TMEM255A: variants seen among roughly 807,000 people sequenced by gnomAD.
TMEM255A encodes the protein family with sequence similarity 70, member A.
In TMEM255A, 14 loss-of-function variants were observed where a neutral mutation model predicts 23.5. The observed-to-expected ratio is 0.60, with a 90% CI of 0.39 to 0.93. The LOEUF is 0.93. Among genes scored for constraint, TMEM255A ranks in the 40% least tolerant of loss-of-function variants. The pLI is 0.00. For synonymous variants in TMEM255A, 104 were observed against 100.3 expected (o/e 1.04, Z -0.22); for missense variants, 233 against 261.7 (o/e 0.89, Z 0.76).
intron 2 of TMEM255A, among the ~76,000 whole-genome samples, chrX:120,300,512 C>CACGTA (rs2058026368): frequency 9.3e-6 from 1 of 108,057 alleles, no homozygotes; most frequent in Non-Finnish European, 1.9e-5. Flanking sequence ...CTTAGCCTCC[C>CACGTA]ACGTAACTGG....
At chrX:120,294,923 T>C (rs1285552205) in intron 2 of TMEM255A, among the ~76,000 whole-genome samples, 5 of 112,011 alleles carry the variant, frequency 4.5e-5, no homozygotes, top group African/African-American at 1.6e-4. Context: ...CTGCAATTTA[T>C]GTTAGCACTT....
chrX:120,291,420 C>T, intron 3 of TMEM255A, 80 bp from the exon 4 acceptor site: 1 of 828,614 alleles, frequency 1.2e-6, no homozygotes, highest in Non-Finnish European at 1.8e-6. Context: ...CCCCAAGAGA[C>T]TTCCAGCCAA....
chrX:120,261,536 A>G (rs782070267), intron 8 of TMEM255A, among the ~76,000 whole-genome samples: 1 of 111,773 alleles, frequency 8.9e-6, no homozygotes, highest in Non-Finnish European at 1.9e-5. Context: ...CTAAGGTCAG[A>G]GAGGTGAAAT....
In TMEM255A at chrX:120,260,712, A is replaced by G. The variant is rs2057672437; in HGVS notation, c.*158T>C. On this transcript the variant is annotated 3_prime_UTR_variant, in exon 9 of 9. Transcript: ENST00000371369. ...GCCTGACCACCCCTGCTCTGCACTA[A>G]TAATGAATAAGCTTCGTCCCTATCT... 1 of 730,200 alleles carries G rather than the reference A, an allele frequency of 1.4e-6. No individual in the cohort carries two copies. Among genetic ancestry groups the G allele is most frequent in the African/African-American group, 2.2e-5 (1 of 45,256 alleles). 60.2% of individuals were successfully genotyped at this position (730,200 alleles called of 1,213,427 possible).
Position 120,276,901 on chromosome X carries a change from C to T in TMEM255A, c.659G>A (p.Gly220Glu). The T allele has an allele frequency of 8.3e-7, 1 of 1,211,009 alleles. No homozygotes were observed. Among genetic ancestry groups the T allele is most frequent in the Non-Finnish European group, 1.1e-6 (1 of 894,984 alleles). Residue 220 changes from glycine to glutamate, a missense_variant, in exon 7 of 9, where the codon GGA (glycine) becomes GAA (glutamate). Physicochemically the swap from Gly to Glu is moderately conservative, Grantham distance 98 (BLOSUM62 -2). Transcript: ENST00000371369. ...TTTCCTTACCATGTCCTTAAAGCCTCCAAGGACAGCGGCAGTGATGATGCC... is the reference window on the plus strand; with the variant it reads ...TTTCCTTACCATGTCCTTAAAGCCTTCAAGGACAGCGGCAGTGATGATGCC... ...FLGIITAAVL[G>E]GFKDMNPTLP...
intron 4 of TMEM255A, among the ~76,000 whole-genome samples, chrX:120,291,000 C>T (rs1556022787): frequency 9.0e-6 from 1 of 111,468 alleles, no homozygotes; most frequent in African/African-American, 3.3e-5. Context: ...CCTTCTCTGA[C>T]CTCTGGAATC....
At chrX:120,263,268 A>G (rs144141671) in intron 8 of TMEM255A, among the ~76,000 whole-genome samples, 1,223 of 111,496 alleles carry the variant, frequency 0.011, 12 homozygotes, top group African/African-American at 0.037. Flanking sequence ...TGACTTTAAT[A>G]ATGCTGTGGG....
At chrX:120,266,745 G>A (rs1396013945) in intron 8 of TMEM255A, among the ~76,000 whole-genome samples, 14 of 112,346 alleles carry the variant, frequency 1.2e-4, no homozygotes, top group Non-Finnish European at 1.9e-5. Context: ...AGAGAATGAT[G>A]ACCTTCCTTG....
At chrX:120,296,707 G>C (rs4463559) in intron 2 of TMEM255A, among the ~76,000 whole-genome samples, 1 of 49,763 alleles carries the variant, frequency 2.0e-5, no homozygotes, top group Non-Finnish European at 3.1e-5. Flanking sequence ...ATATATTTAG[G>C]TAAATAAATT....
chrX:120,276,901 C>A lies in TMEM255A; in HGVS notation c.659G>T (p.Gly220Val). The A allele has an allele frequency of 8.3e-7, 1 of 1,211,009 alleles. No homozygotes were observed. The highest frequency in any genetic ancestry group is 1.7e-5 in the African/African-American group (1 of 57,809). Residue 220 changes from glycine to valine, a missense_variant, in exon 7 of 9, where the codon GGA (glycine) becomes GTA (valine). Physicochemically the swap from Gly to Val is moderately radical, Grantham distance 109. Coordinates refer to ENST00000371369, the MANE Select transcript of TMEM255A (RefSeq NM_001104544.3). ...FLGIITAAVL[G>V]GFKDMNPTLP... ...TTTCCTTACCATGTCCTTAAAGCCT[C>A]CAAGGACAGCGGCAGTGATGATGCC...
intron 7 of TMEM255A, among the ~76,000 whole-genome samples, chrX:120,269,602 T>C (rs1234232846): frequency 9.0e-6 from 1 of 111,072 alleles, no homozygotes; most frequent in Non-Finnish European, 1.9e-5. Context: ...TTCCTTGGAG[T>C]GGGTTACTGT....
At chrX:120,264,756 TC>T (rs2057703585) in intron 8 of TMEM255A, among the ~76,000 whole-genome samples, 1 of 110,209 alleles carries the variant, frequency 9.1e-6, no homozygotes, top group African/African-American at 3.3e-5. Flanking sequence ...ATGAGGGAGC[TC>T]TGGCCTTTTG....
At chrX:120,268,126 G>A in intron 8 of TMEM255A, 118 bp downstream of exon 8, 1 of 849,211 alleles carries the variant, frequency 1.2e-6, no homozygotes, top group Non-Finnish European at 1.6e-6. Flanking sequence ...GGAGATGCAT[G>A]GCTACCTCAT....
chrX:120,285,762 A>G (rs1204614516), intron 5 of TMEM255A: 3 of 1,197,094 alleles, frequency 2.5e-6, no homozygotes, highest in Non-Finnish European at 3.4e-6. Flanking sequence ...GTCATTATTA[A>G]TATTTTTACA....
At chrX:120,271,403 A>T (rs2057760379) in intron 7 of TMEM255A, among the ~76,000 whole-genome samples, 2 of 111,753 alleles carry the variant, frequency 1.8e-5, no homozygotes, top group African/African-American at 6.5e-5. Context: ...AGAGACAGTA[A>T]TACCTACCTC....
rs1266902433 is a variant in TMEM255A, at chrX:120,294,073, A to G, written c.202-22T>C. 7 of 1,103,138 alleles carry G rather than the reference A, an allele frequency of 6.3e-6. No homozygotes were observed. In the African/African-American group the frequency reaches 1.1e-4, roughly 17 times the overall value. 90.9% of individuals were successfully genotyped at this position (1,103,138 alleles called of 1,213,427 possible). ...CGAGCTGCAAAGCAATATGGCATAC[A>G]TAGTATGTGGGATGACAGTCAGGCT... On this transcript the variant is annotated intron_variant, in intron 2 of 8. Coordinates refer to ENST00000371369, the MANE Select transcript of TMEM255A (RefSeq NM_001104544.3).
intron 4 of TMEM255A, 105 bp downstream of exon 4, chrX:120,291,146 T>C: frequency 3.0e-6 from 2 of 660,261 alleles, no homozygotes; most frequent in Non-Finnish European, 4.8e-6. Context: ...CTCCCTCTCA[T>C]GTAACCCTCA....
intron 6 of TMEM255A, among the ~76,000 whole-genome samples, chrX:120,282,745 A>G (rs782595986): frequency 8.9e-6 from 1 of 112,547 alleles, no homozygotes; most frequent in South Asian, 3.7e-4. Flanking sequence ...GGAACATAGA[A>G]TGGACTTGAG....
intron 1 of TMEM255A, among the ~76,000 whole-genome samples, chrX:120,310,887 G>A (rs1018607564): frequency 9.2e-6 from 1 of 109,020 alleles, no homozygotes; most frequent in East Asian, 2.9e-4. Flanking sequence ...TTGCAAAGAG[G>A]GAGTGTCGAA....
Sources: allele counts gnomAD v4.1 joint callset (sites outside exome capture counted in the v4.1 genomes callset), GRCh38; gene constraint gnomAD v4.1.1; transcripts MANE v1.5; gene names NCBI Gene and HGNC (gene_info 2026-07-23, HGNC 2026-07-21).